CSMD1: variants seen among roughly 807,000 people sequenced by gnomAD.
CSMD1 encodes the protein CUB and Sushi multiple domains 1.
Under a neutral mutation model 417.5 loss-of-function variants are expected in CSMD1, and 213 were observed. The ratio of observed to expected loss-of-function variants is 0.51; its 90% CI spans 0.46 to 0.57. CSMD1 has a LOEUF of 0.57. Among genes scored for constraint, CSMD1 ranks in the 20% least tolerant of loss-of-function variants. The probability of loss-of-function intolerance (pLI) is 0.00; values close to 1 mark genes in which losing one functional copy is unlikely to be tolerated. For synonymous variants in CSMD1, 2,862 were observed against 1,736.8 expected, an observed-to-expected ratio of 1.65 and a Z score of -16.11; for missense variants, 6,923 against 4,529.7, an observed-to-expected ratio of 1.53 and a Z score of -15.17.
At chr8:4,101,694 G>T (rs1346034403) in intron 3 of CSMD1, among the ~76,000 whole-genome samples, 1 of 152,176 alleles carries the variant, frequency 6.6e-6, no homozygotes, top group African/African-American at 2.4e-5. Flanking sequence ...GTAACCAAAT[G>T]ATTGAGTAAT....
intron 26 of CSMD1, among the ~76,000 whole-genome samples, chr8:3,259,584 A>G (rs901189912): frequency 6.6e-5 from 10 of 152,202 alleles, no homozygotes; most frequent in Non-Finnish European, 1.5e-4. Flanking sequence ...TTAGTTGTTA[A>G]ACATGATGTG....
intron 54 of CSMD1, among the ~76,000 whole-genome samples, chr8:2,989,971 C>G (rs755036438): frequency 7.9e-5 from 12 of 152,164 alleles, no homozygotes; most frequent in Non-Finnish European, 1.5e-4. Context: ...AGGTGCTCAA[C>G]AAATGTGGCA....
At position 4,253,047 on chromosome 8, in the gene CSMD1, C is replaced by A. The variant is rs927389845; in HGVS notation, c.415+166906G>T. On this transcript the variant is annotated intron_variant, in intron 3 of 69. Coordinates refer to ENST00000635120, the MANE Select transcript of CSMD1 (RefSeq NM_033225.6). Reference sequence around the variant, plus strand: ...CTGAACAAAATTTTTCATGTGCCAACGTCTTACGATGAGACTACAAGCTCT... The same window carrying A: ...CTGAACAAAATTTTTCATGTGCCAAAGTCTTACGATGAGACTACAAGCTCT... Among the ~76,000 whole-genome samples the A allele has an allele frequency of 2.0e-5, 3 of 152,180 alleles. 1 individual carries two copies. Among genetic ancestry groups the A allele is most frequent in the Admixed American group, 2.0e-4 (3 of 15,280 alleles).
intron 5 of CSMD1, among the ~76,000 whole-genome samples, chr8:3,995,292 G>T (rs931603768): frequency 1.3e-5 from 2 of 152,206 alleles, no homozygotes; most frequent in Admixed American, 6.5e-5. Flanking sequence ...ATTGAAAGCT[G>T]AGAGTTCCAC....
At chr8:3,569,124 T>C (rs1050509659) in intron 10 of CSMD1, among the ~76,000 whole-genome samples, 2 of 152,224 alleles carry the variant, frequency 1.3e-5, no homozygotes. Context: ...GCTGTTCCAA[T>C]TGTTTAAAAA....
At chr8:3,955,882 C>G (rs112879046) in intron 5 of CSMD1, among the ~76,000 whole-genome samples, 34 of 152,350 alleles carry the variant, frequency 2.2e-4, no homozygotes, top group African/African-American at 8.2e-4. Flanking sequence ...TGCAATGGCA[C>G]GATCTCGGCT....
At chr8:4,194,821 G>GA (rs376690714) in intron 3 of CSMD1, among the ~76,000 whole-genome samples, 14 of 147,590 alleles carry the variant, frequency 9.5e-5, no homozygotes, top group South Asian at 2.1e-4. Flanking sequence ...GTTCTGCAAA[G>GA]AAAAAAAAAA....
Position 4,357,924 on chromosome 8 carries a change from C to G in CSMD1, c.415+62029G>C, listed in dbSNP as rs539360316. 4.1e-4 allele frequency among the ~76,000 whole-genome samples: 63 copies of G among 152,106 alleles called. 1 individual carries two copies. In the South Asian group the frequency reaches 7.9e-3, roughly 19 times the overall value. Reference sequence around the variant, plus strand: ...GTATTTATAAAAAATAGAGAATATACTTAATTAAAAGCCCATTGCTAGTGG... The same window carrying G: ...GTATTTATAAAAAATAGAGAATATAGTTAATTAAAAGCCCATTGCTAGTGG... On this transcript the variant is annotated intron_variant, in intron 3 of 69. Transcript: ENST00000635120.
chr8:4,734,611 A>G (rs1341795642), intron 1 of CSMD1, among the ~76,000 whole-genome samples: 2 of 152,216 alleles, frequency 1.3e-5, no homozygotes, highest in Non-Finnish European at 1.5e-5. Flanking sequence ...ACTATACTGT[A>G]TAACATTATA....
chr8:3,502,082 C>T (rs142229678), intron 10 of CSMD1, among the ~76,000 whole-genome samples: 2 of 151,994 alleles, frequency 1.3e-5, no homozygotes, highest in African/African-American at 2.4e-5. Context: ...AATTTAACAC[C>T]AACAGCTAAA....
chr8:4,965,387 A>G (rs1343640189), intron 1 of CSMD1, among the ~76,000 whole-genome samples: 3 of 152,206 alleles, frequency 2.0e-5, no homozygotes, highest in Admixed American at 1.3e-4. Context: ...CCCTATCTGA[A>G]TATTTTGATT....
chr8:3,198,180 C>G (rs1302857898), intron 33 of CSMD1, among the ~76,000 whole-genome samples: 2 of 152,046 alleles, frequency 1.3e-5, no homozygotes, highest in Non-Finnish European at 2.9e-5. Flanking sequence ...TATAAGACAC[C>G]AGGATATTTG....
chr8:3,840,623 C>G (rs1803068146), intron 5 of CSMD1, among the ~76,000 whole-genome samples: 1 of 151,744 alleles, frequency 6.6e-6, no homozygotes, highest in Admixed American at 6.6e-5. Context: ...TATGATATAT[C>G]TGTGTGTGTG....
chr8:3,990,873 C>T (rs1165349989), intron 5 of CSMD1, among the ~76,000 whole-genome samples: 1 of 152,098 alleles, frequency 6.6e-6, no homozygotes, highest in Non-Finnish European at 1.5e-5. Flanking sequence ...CAGAGAGCCA[C>T]CTTCTTTGCT....
chr8:3,205,827 C>A (rs968169613), intron 30 of CSMD1, among the ~76,000 whole-genome samples: 4 of 151,940 alleles, frequency 2.6e-5, no homozygotes, highest in Non-Finnish European at 5.9e-5. Context: ...AGGAGAAAAA[C>A]CTAATATTAT....
intron 11 of CSMD1, among the ~76,000 whole-genome samples, chr8:3,481,637 G>T (rs904855063): frequency 3.9e-5 from 6 of 152,176 alleles, no homozygotes; most frequent in African/African-American, 1.4e-4. Flanking sequence ...TGATGTAGGT[G>T]GGCCCTAAAT....
intron 68 of CSMD1, among the ~76,000 whole-genome samples, chr8:2,948,827 T>G (rs1252702806): frequency 6.6e-6 from 1 of 152,148 alleles, no homozygotes; most frequent in Non-Finnish European, 1.5e-5. Flanking sequence ...CATCTTTTCC[T>G]GCTATCAACC....
chr8:4,187,029 T>C (rs573972590), intron 3 of CSMD1, among the ~76,000 whole-genome samples: 4 of 152,254 alleles, frequency 2.6e-5, no homozygotes, highest in Non-Finnish European at 2.9e-5. Flanking sequence ...TCTTCCTTTA[T>C]AGAACAGTTT....
At chr8:3,981,655 G>C (rs1290271466) in intron 5 of CSMD1, among the ~76,000 whole-genome samples, 1 of 151,904 alleles carries the variant, frequency 6.6e-6, no homozygotes, top group African/African-American at 2.4e-5. Flanking sequence ...TATGTCTCTT[G>C]TCATAGTTTC....
Sources: allele counts gnomAD v4.1 joint callset (sites outside exome capture counted in the v4.1 genomes callset), GRCh38; gene constraint gnomAD v4.1.1; transcripts MANE v1.5; gene names NCBI Gene and HGNC (gene_info 2026-07-23, HGNC 2026-07-21).